ZNF79: variants seen among roughly 807,000 people sequenced by gnomAD.
ZNF79 encodes ZNFpT7.
A neutral mutation model predicts 14.9 loss-of-function variants in ZNF79; 13 were observed. The observed-to-expected ratio is 0.87, with a 90% confidence interval of 0.57 to 1.38. The LOEUF is 1.38. Among genes scored for constraint, ZNF79 ranks in the 40% most tolerant of loss-of-function variants. ZNF79 has a pLI of 0.00. For synonymous variants in ZNF79, 223 were observed against 235.1 expected, an observed-to-expected ratio of 0.95 and a Z score of 0.47; for missense variants, 631 against 630.6, an observed-to-expected ratio of 1.00 and a Z score of -0.01.
At position 127,444,685 on chromosome 9, in the gene ZNF79, G is replaced by A. The variant is rs143622306; in HGVS notation, c.985G>A (p.Gly329Arg). 39 of 1,613,890 alleles carry A rather than the reference G, an allele frequency of 2.4e-5. No homozygotes were observed. The highest frequency in any genetic ancestry group is 2.0e-4 in the African/African-American group (15 of 74,884). The change falls in exon 5 of 5, where the codon GGG becomes AGG. Residue 329 changes from glycine to arginine, a missense_variant. Coordinates refer to ENST00000342483, the MANE Select transcript of ZNF79 (RefSeq NM_007135.3). ...NLTNHQRTHTGEKPYKCSECG... is the reference protein window; with the variant it reads ...NLTNHQRTHTREKPYKCSECG... Reference sequence around the variant, plus strand: ...CACGAACCATCAGAGGACTCACACCGGGGAGAAGCCCTACAAGTGCAGCGA... The same window carrying A: ...CACGAACCATCAGAGGACTCACACCAGGGAGAAGCCCTACAAGTGCAGCGA...
Position 127,445,331 on chromosome 9 carries a change from G to T in ZNF79, c.*134G>T. On this transcript the variant is annotated 3_prime_UTR_variant, in exon 5 of 5. Coordinates refer to ENST00000342483, the MANE Select transcript of ZNF79 (RefSeq NM_007135.3). ...TAGAGTCTGCAGCCCAGAGCCACAT[G>T]CAAAACACCTTCAATAAACAGCCAC... 1.2e-6 allele frequency: 1 copy of T among 853,022 alleles called. No homozygotes were observed. Among genetic ancestry groups the T allele is most frequent in the Non-Finnish European group, 1.8e-6 (1 of 558,054 alleles). 52.8% of individuals were successfully genotyped at this position (853,022 alleles called of 1,614,324 possible).
chr9:127,426,782 T>C (rs1286838968), intron 1 of ZNF79, among the ~76,000 whole-genome samples: 2 of 152,204 alleles, frequency 1.3e-5, no homozygotes, highest in African/African-American at 4.8e-5. Context: ...AATTTTTGTG[T>C]GTGTGTATGT....
At chr9:127,443,975 C>G in intron 4 of ZNF79, 54 bp from the exon 5 acceptor site, 4 of 1,498,506 alleles carry the variant, frequency 2.7e-6, no homozygotes, top group Non-Finnish European at 3.6e-6. Flanking sequence ...ACTCCTTCAG[C>G]CTTTGGTATT....
intron 4 of ZNF79, among the ~76,000 whole-genome samples, chr9:127,437,345 C>CCA (rs1554750090): frequency 6.6e-6 from 1 of 151,766 alleles, no homozygotes; most frequent in Non-Finnish European, 1.5e-5. Flanking sequence ...AAGGCCCCCC[C>CCA]CCGCTGCCTG....
chr9:127,445,278 G>C lies in ZNF79; in HGVS notation c.*81G>C, dbSNP rs1834151182. 1.2e-5 allele frequency: 17 copies of C among 1,472,950 alleles called. No homozygotes were observed. In the South Asian group the frequency reaches 2.2e-4, roughly 19 times the overall value. The allele number at this position is 1,472,950 out of a possible 1,614,324, so 91.2% of individuals were successfully genotyped here. On this transcript the variant is annotated 3_prime_UTR_variant, in exon 5 of 5. Coordinates refer to ENST00000342483, the MANE Select transcript of ZNF79 (RefSeq NM_007135.3). The stretch of plus-strand genomic sequence containing the variant: ...GGTGAGGATCTGAGAAATGCTAAAG[G>C]CTTGAAAGCATCTGAAGACATCTAA...
chr9:127,435,117 G>A lies in ZNF79; in HGVS notation c.133G>A (p.Val45Ile), dbSNP rs1479270296. Residue 45 changes from valine to isoleucine, a missense_variant, in exon 3 of 5, where the codon GTA becomes ATA. Coordinates refer to ENST00000342483, the MANE Select transcript of ZNF79 (RefSeq NM_007135.3). ...ATCCACATTCTTCAGCAGTGTGACGGTAGCTTTTGCACAGGAAAGGTGGAG... is the reference window on the plus strand; with the variant it reads ...ATCCACATTCTTCAGCAGTGTGACGATAGCTTTTGCACAGGAAAGGTGGAG... ...RGSTFFSSVT[V>I]AFAQERWRCL... 6.2e-7 allele frequency: 1 copy of A among 1,612,556 alleles called. No homozygotes were observed. Among genetic ancestry groups the A allele is most frequent in the Non-Finnish European group, 8.5e-7 (1 of 1,179,338 alleles).
chr9:127,434,920 C>T (rs538421585), intron 2 of ZNF79, among the ~76,000 whole-genome samples, 170 bp from the exon 3 acceptor site: 24 of 152,250 alleles, frequency 1.6e-4, no homozygotes, highest in African/African-American at 4.6e-4. Flanking sequence ...CCTCCCAAGG[C>T]GCTGGGAGTA....
intron 4 of ZNF79, among the ~76,000 whole-genome samples, chr9:127,443,458 G>A (rs1013737170): frequency 2.8e-5 from 4 of 144,988 alleles, no homozygotes; most frequent in African/African-American, 9.8e-5. Flanking sequence ...TAACATAGTT[G>A]TTTATTAAGT....
At chr9:127,439,618 C>G (rs1047525361) in intron 4 of ZNF79, among the ~76,000 whole-genome samples, 1 of 152,334 alleles carries the variant, frequency 6.6e-6, no homozygotes. Context: ...GCCATTCTCC[C>G]TGCTGCTCAC....
At chr9:127,430,441 C>T (rs1196075792) in intron 2 of ZNF79, among the ~76,000 whole-genome samples, 4 of 152,230 alleles carry the variant, frequency 2.6e-5, no homozygotes, top group African/African-American at 9.6e-5. Flanking sequence ...CTCTAGTAGT[C>T]CCCAGCAGTT....
intron 4 of ZNF79, among the ~76,000 whole-genome samples, chr9:127,441,058 A>G (rs898865190): frequency 6.6e-6 from 1 of 152,070 alleles, no homozygotes; most frequent in Admixed American, 6.6e-5. Flanking sequence ...CCTTCTTCCC[A>G]TGGCTTCTTG....
At position 127,424,821 on chromosome 9, in the gene ZNF79, G is replaced by A; in HGVS notation, c.16+18G>A. The stretch of plus-strand genomic sequence containing the variant: ...GGAAGGAGGTGAGGAGTGGTAGAGG[G>A]AGCGATTGTCAAGAGATCGGCTGCT... On this transcript the variant is annotated intron_variant, in intron 1 of 4. Coordinates refer to ENST00000342483, the MANE Select transcript of ZNF79 (RefSeq NM_007135.3). The A allele has an allele frequency of 1.2e-6, 2 of 1,613,860 alleles. No homozygotes were observed. The highest frequency in any genetic ancestry group is 1.7e-6 in the Non-Finnish European group (2 of 1,179,944).
At chr9:127,438,608 C>G (rs1013287428) in intron 4 of ZNF79, among the ~76,000 whole-genome samples, 3 of 152,168 alleles carry the variant, frequency 2.0e-5, no homozygotes, top group Non-Finnish European at 4.4e-5. Context: ...AGTGAGGACA[C>G]CTGGCAGAGC....
intron 2 of ZNF79, among the ~76,000 whole-genome samples, chr9:127,430,909 C>T (rs1833848615): frequency 6.6e-6 from 1 of 152,194 alleles, no homozygotes; most frequent in African/African-American, 2.4e-5. Flanking sequence ...GCAGTGATAA[C>T]CTTTCCCTTT....
At chr9:127,430,964 T>G (rs1176730217) in intron 2 of ZNF79, among the ~76,000 whole-genome samples, 1 of 152,242 alleles carries the variant, frequency 6.6e-6, no homozygotes, top group Non-Finnish European at 1.5e-5. Flanking sequence ...CTTTGTCATA[T>G]TAGCCATTAT....
chr9:127,438,312 A>T (rs1833985605), intron 4 of ZNF79, among the ~76,000 whole-genome samples: 2 of 152,070 alleles, frequency 1.3e-5, no homozygotes, highest in South Asian at 2.1e-4. Context: ...CCCCCTTTGG[A>T]TTACATTAAT....
rs144940080 is a variant in ZNF79, at chr9:127,430,407, G to C, written c.105+1487G>C. 3.3e-4 allele frequency among the ~76,000 whole-genome samples: 51 copies of C among 152,256 alleles called. 1 individual carries two copies. Among genetic ancestry groups the C allele is most frequent in the African/African-American group, 1.2e-3 (50 of 41,534 alleles). On this transcript the variant is annotated intron_variant, in intron 2 of 4. Coordinates refer to ENST00000342483, the MANE Select transcript of ZNF79 (RefSeq NM_007135.3). The stretch of plus-strand genomic sequence containing the variant: ...GTACCCCATAGGCAGTTTTTCAGCT[G>C]ATGCCCCCTTTCCTCTCTCCTCCCT...
intron 4 of ZNF79, among the ~76,000 whole-genome samples, chr9:127,439,790 T>G (rs546010855): frequency 6.6e-6 from 1 of 152,244 alleles, no homozygotes; most frequent in Non-Finnish European, 1.5e-5. Flanking sequence ...GTATTCCCTT[T>G]GTTGAGTGGG....
chr9:127,442,816 C>T (rs1402319211), intron 4 of ZNF79, among the ~76,000 whole-genome samples: 1 of 151,378 alleles, frequency 6.6e-6, no homozygotes, highest in East Asian at 2.0e-4. Context: ...GAGCCATGAT[C>T]GTGCCACCAT....
Sources: allele counts gnomAD v4.1 joint callset (sites outside exome capture counted in the v4.1 genomes callset), GRCh38; gene constraint gnomAD v4.1.1; transcripts MANE v1.5; gene names NCBI Gene and HGNC (gene_info 2026-07-23, HGNC 2026-07-21).